Variants in STAT3 observed in about 807,000 individuals in gnomAD.
STAT3 encodes the protein signal transducer and activator of transcription 3.
STAT3 carries 7 observed loss-of-function variants against 114.3 expected under a neutral mutation model. That is an observed-to-expected ratio of 0.06 (90% confidence interval 0.03 to 0.11). The LOEUF is 0.11. Among genes scored for constraint, STAT3 ranks in the 10% least tolerant of loss-of-function variants. The probability of loss-of-function intolerance (pLI) is 1.00; values close to 1 mark genes in which losing one functional copy is unlikely to be tolerated. For synonymous variants in STAT3, 331 were observed against 354.5 expected, an observed-to-expected ratio of 0.93 and a Z score of 0.74; for missense variants, 364 against 960.9, an observed-to-expected ratio of 0.38 and a Z score of 8.21.
chr17:42,354,143 G>A (rs78611712), intron 1 of STAT3, among the ~76,000 whole-genome samples: 50 of 151,374 alleles, frequency 3.3e-4, no homozygotes, highest in African/African-American at 1.2e-3. Flanking sequence ...GGACAGAGGA[G>A]GGCTAGTAAG....
rs2081143319 is a variant in STAT3, at chr17:42,313,379, C to CAAAAAAAAAAAAAAAAAAAAAAGAAA, written c.*2365_*2366insTTTCTTTTTTTTTTTTTTTTTTTTTT. The CAAAAAAAAAAAAAAAAAAAAAAGAAA allele has an allele frequency of 1.2e-5, 1 of 83,024 alleles. No homozygotes were observed. The highest frequency in any genetic ancestry group is 2.2e-5 in the Non-Finnish European group (1 of 44,918). 5.1% of individuals were successfully genotyped at this position (83,024 alleles called of 1,614,324 possible). On this transcript the variant is annotated 3_prime_UTR_variant, in exon 24 of 24. Coordinates refer to ENST00000264657, the MANE Select transcript of STAT3 (RefSeq NM_139276.3). Reference sequence around the variant, plus strand: ...AGTTAAAGTAGATACAGCAATATACCAAAAAAAAAAAAAAAAAAAAAAGAC... The same window carrying CAAAAAAAAAAAAAAAAAAAAAAGAAA: ...AGTTAAAGTAGATACAGCAATATACCAAAAAAAAAAAAAAAAAAAAAAGAAAAAAAAAAAAAAAAAAAAAAAAAGAC...
chr17:42,370,642 T>TA (rs981158220), intron 1 of STAT3, among the ~76,000 whole-genome samples: 2 of 151,692 alleles, frequency 1.3e-5, no homozygotes, highest in African/African-American at 4.8e-5. Context: ...GTTTTTTTTT[T>TA]TAAGAGACAG....
intron 1 of STAT3, among the ~76,000 whole-genome samples, chr17:42,369,359 AAAACAAACAAAC>A (rs367707477): frequency 4.6e-5 from 7 of 152,176 alleles, no homozygotes; most frequent in African/African-American, 1.7e-4. Context: ...CTCCATCTCA[AAAACAAACAAAC>A]AAACAAACAA....
intron 1 of STAT3, among the ~76,000 whole-genome samples, chr17:42,385,288 C>T (rs1360955062): frequency 6.6e-6 from 1 of 152,086 alleles, no homozygotes; most frequent in African/African-American, 2.4e-5. Flanking sequence ...GTGGGCAGAT[C>T]TCTTGAGGTC....
intron 1 of STAT3, among the ~76,000 whole-genome samples, chr17:42,382,254 A>G (rs1288900116): frequency 6.6e-6 from 1 of 152,242 alleles, no homozygotes; most frequent in East Asian, 1.9e-4. Context: ...GTAAGAACTT[A>G]GATTTACCGA....
At chr17:42,388,155 T>G in intron 1 of STAT3, 124 bp downstream of exon 1, 1 of 1,134,296 alleles carries the variant, frequency 8.8e-7, no homozygotes, top group Non-Finnish European at 1.1e-6. Flanking sequence ...CCGCGTCTCT[T>G]CATCTCTCCC....
chr17:42,329,516 C>A (rs2081900561), intron 13 of STAT3, 38 bp downstream of exon 13: 7 of 1,614,106 alleles, frequency 4.3e-6, no homozygotes, highest in Non-Finnish European at 5.9e-6. Flanking sequence ...TCTCCGGCAG[C>A]CAGAGGCCCT....
chr17:42,352,403 C>T (rs761787243), intron 1 of STAT3, among the ~76,000 whole-genome samples: 6 of 152,064 alleles, frequency 3.9e-5, no homozygotes, highest in Non-Finnish European at 7.4e-5. Context: ...ACAAATGCTG[C>T]CTGGGCAGTG....
chr17:42,364,257 G>A (rs1264357994), intron 1 of STAT3, among the ~76,000 whole-genome samples: 1 of 152,088 alleles, frequency 6.6e-6, no homozygotes, highest in Non-Finnish European at 1.5e-5. Context: ...CTTGAATTTC[G>A]AGTTTGGAGA....
Position 42,329,536 on chromosome 17 carries a change from G to C in STAT3, c.1233+18C>G, listed in dbSNP as rs375246748. 1 of 1,614,170 alleles carries C rather than the reference G, an allele frequency of 6.2e-7. No homozygotes were observed. The highest frequency in any genetic ancestry group is 8.5e-7 in the Non-Finnish European group (1 of 1,179,998). On this transcript the variant is annotated intron_variant, in intron 13 of 23. Coordinates refer to ENST00000264657, the MANE Select transcript of STAT3 (RefSeq NM_139276.3). ...GGCAGCCAGAGGCCCTTTGTGAAGG[G>C]GAGCTCCTCCCACATACCAAGTGTT...
At chr17:42,351,129 CA>C (rs139529559) in intron 1 of STAT3, among the ~76,000 whole-genome samples, 19,837 of 76,872 alleles carry the variant, frequency 0.26, 1,428 homozygotes, top group African/African-American at 0.46. Context: ...GACTCCATCT[CA>C]AAAAAAAAAA....
chr17:42,339,261 A>T, intron 5 of STAT3, 53 bp downstream of exon 5: 2 of 1,590,892 alleles, frequency 1.3e-6, no homozygotes, highest in South Asian at 1.1e-5. Flanking sequence ...GTCTCAAAAA[A>T]AAAAAAAAAA....
In STAT3 at chr17:42,353,386, A is replaced by G. The variant is rs560366735; in HGVS notation, c.-23-4847T>C. Reference sequence around the variant, plus strand: ...AGAAAGAAAGAAAGAAAGAAGAGAAAAGAAAAGAAAAGAAAAAGAAACTAA... The same window carrying G: ...AGAAAGAAAGAAAGAAAGAAGAGAAGAGAAAAGAAAAGAAAAAGAAACTAA... On this transcript the variant is annotated intron_variant, in intron 1 of 23. Coordinates refer to ENST00000264657, the MANE Select transcript of STAT3 (RefSeq NM_139276.3). 6.5e-4 allele frequency among the ~76,000 whole-genome samples: 99 copies of G among 151,538 alleles called. 1 individual carries two copies. Among genetic ancestry groups the G allele is most frequent in the African/African-American group, 2.3e-3 (96 of 41,316 alleles).
chr17:42,377,646 C>A (rs1391633100), intron 1 of STAT3, among the ~76,000 whole-genome samples: 2 of 152,070 alleles, frequency 1.3e-5, no homozygotes, highest in East Asian at 1.9e-4. Context: ...TACTACATAT[C>A]TTTTGTACTG....
rs1598424361 is a variant in STAT3, at chr17:42,338,000, T to C, written c.551-143A>G. The C allele has an allele frequency of 3.0e-6, 1 of 338,388 alleles. No homozygotes were observed. Among genetic ancestry groups the C allele is most frequent in the East Asian group, 5.6e-5 (1 of 17,832 alleles). 21.0% of individuals were successfully genotyped at this position (338,388 alleles called of 1,614,324 possible). A position where few individuals can be genotyped will look rare whatever the true frequency, so the allele number is the denominator to read the frequency against. ...ACTCCTGGACCTGAGGGAATACTCCTTGACCTGAGGGAATACTCCTGGACC... is the reference window on the plus strand; with the variant it reads ...ACTCCTGGACCTGAGGGAATACTCCCTGACCTGAGGGAATACTCCTGGACC... On this transcript the variant is annotated intron_variant, in intron 6 of 23. Transcript: ENST00000264657. This position sits in a 1 kb window ranked among gnomAD's most constrained non-coding sequence, Gnocchi z 4.0.
intron 2 of STAT3, among the ~76,000 whole-genome samples, chr17:42,347,490 A>C (rs2082751381): frequency 6.6e-6 from 1 of 152,178 alleles, no homozygotes; most frequent in Non-Finnish European, 1.5e-5. Flanking sequence ...AGTGAGCCTG[A>C]GCATATTAAA....
intron 1 of STAT3, among the ~76,000 whole-genome samples, chr17:42,365,212 C>T (rs1481870086): frequency 6.6e-6 from 1 of 152,188 alleles, no homozygotes; most frequent in Non-Finnish European, 1.5e-5. Context: ...AAGTCTCATT[C>T]TCCAGAACCA....
At chr17:42,350,542 C>T (rs1038192645) in intron 1 of STAT3, among the ~76,000 whole-genome samples, 6 of 152,146 alleles carry the variant, frequency 3.9e-5, no homozygotes, top group Non-Finnish European at 7.3e-5. Context: ...CTGCCTCAAC[C>T]TCCCAAAGTG....
At chr17:42,382,741 G>T (rs898936035) in intron 1 of STAT3, among the ~76,000 whole-genome samples, 1 of 151,874 alleles carries the variant, frequency 6.6e-6, no homozygotes, top group African/African-American at 2.4e-5. Context: ...CCGCCTCCAG[G>T]ACTCATGCCA....
Sources: gnomAD v4.1 joint callset for allele counts (sites outside exome capture counted in the v4.1 genomes callset) on GRCh38, gnomAD v4.1.1 for gene constraint, Gnocchi (gnomAD v3.1) non-coding constraint, MANE v1.5 for transcripts, NCBI Gene and HGNC (gene_info 2026-07-23, HGNC 2026-07-21) for gene names.